PEAK1: variants seen among roughly 807,000 people sequenced by gnomAD.
The protein encoded by PEAK1 is pseudopodium enriched atypical kinase 1, also known as inactive tyrosine-protein kinase PEAK1.
A neutral mutation model predicts 124.7 loss-of-function variants in PEAK1; 54 were observed. The observed-to-expected ratio is 0.43, with a 90% CI of 0.35 to 0.54. The LOEUF (loss-of-function observed/expected upper bound fraction) is 0.54. Ranked by LOEUF, PEAK1 falls within the 20% of genes least tolerant of loss-of-function variation. The probability of loss-of-function intolerance (pLI) is 0.01; values close to 1 mark genes in which losing one functional copy is unlikely to be tolerated. For synonymous variants in PEAK1, 719 were observed against 760.0 expected (o/e 0.95, Z 0.89); for missense variants, 2,046 against 2,134.5 (o/e 0.96, Z 0.82).
intron 6 of PEAK1, among the ~76,000 whole-genome samples, chr15:77,247,100 A>C (rs935999400): frequency 3.3e-5 from 5 of 152,216 alleles, no homozygotes; most frequent in African/African-American, 1.2e-4. Context: ...ACCACTTATC[A>C]TTAGTTCTAG....
At chr15:77,329,706 C>T (rs2065787812) in intron 2 of PEAK1, among the ~76,000 whole-genome samples, 1 of 152,110 alleles carries the variant, frequency 6.6e-6, no homozygotes, top group Non-Finnish European at 1.5e-5. Flanking sequence ...AACTATATTG[C>T]ACAGTTTTTC....
At chr15:77,295,888 G>A (rs1203332673) in intron 2 of PEAK1, among the ~76,000 whole-genome samples, 1 of 152,112 alleles carries the variant, frequency 6.6e-6, no homozygotes, top group African/African-American at 2.4e-5. Context: ...ATCAGCTAAA[G>A]CTTCAACAGT....
At chr15:77,270,958 C>T (rs1255279677) in intron 5 of PEAK1, among the ~76,000 whole-genome samples, 2 of 152,080 alleles carry the variant, frequency 1.3e-5, no homozygotes, top group Non-Finnish European at 2.9e-5. Flanking sequence ...AGAGCTTCCG[C>T]ACGGCAAAAG....
Position 77,365,202 on chromosome 15 carries a change from A to G in PEAK1, c.-642T>C, listed in dbSNP as rs930020585. Reference sequence around the variant, plus strand: ...TAAACCACAAAGAAATGTCTACAGCATAAGTTCCAGTTTGGGCAGATACCT... The same window carrying G: ...TAAACCACAAAGAAATGTCTACAGCGTAAGTTCCAGTTTGGGCAGATACCT... On this transcript the variant is annotated 5_prime_UTR_variant, in exon 2 of 10. An upstream start codon of the reference 5' UTR is lost. Transcript: ENST00000682557. 116 of 983,424 alleles carry G rather than the reference A, an allele frequency of 1.2e-4. No individual in the cohort carries two copies. Among genetic ancestry groups the G allele is most frequent in the Admixed American group, 2.5e-4 (4 of 16,268 alleles). 60.9% of individuals were successfully genotyped at this position (983,424 alleles called of 1,614,324 possible). A position where few individuals can be genotyped will look rare whatever the true frequency, so the allele number is the denominator to read the frequency against.
intron 2 of PEAK1, among the ~76,000 whole-genome samples, chr15:77,297,616 G>A (rs935556460): frequency 9.9e-5 from 15 of 151,562 alleles, no homozygotes; most frequent in Non-Finnish European, 1.9e-4. Flanking sequence ...AAAATTAGCT[G>A]GGCATGGTGG....
At chr15:77,340,571 T>C (rs1282762332) in intron 2 of PEAK1, among the ~76,000 whole-genome samples, 1 of 152,214 alleles carries the variant, frequency 6.6e-6, no homozygotes, top group Admixed American at 6.5e-5. Context: ...TAGATGCTAT[T>C]ATGAATTTGT....
chr15:77,300,174 A>G (rs1392719059), intron 2 of PEAK1, among the ~76,000 whole-genome samples: 1 of 152,218 alleles, frequency 6.6e-6, no homozygotes, highest in East Asian at 1.9e-4. Flanking sequence ...TGAATTATTC[A>G]GGAAGGAAGG....
chr15:77,402,182 A>AAG, intron 1 of PEAK1: 14 of 981,734 alleles, frequency 1.4e-5, no homozygotes, highest in Non-Finnish European at 1.7e-5. Flanking sequence ...AAAAAAAAAA[A>AAG]GGGACCAGAT....
intron 5 of PEAK1, among the ~76,000 whole-genome samples, chr15:77,256,518 T>C (rs1214496401): frequency 2.6e-5 from 4 of 152,032 alleles, no homozygotes; most frequent in Non-Finnish European, 4.4e-5. Flanking sequence ...CCTTTACCCA[T>C]AGGTCAAATA....
chr15:77,346,894 C>T, intron 2 of PEAK1: 1 of 385,664 alleles, frequency 2.6e-6, no homozygotes, highest in Non-Finnish European at 3.5e-6. Context: ...TGAGAAATAA[C>T]AGCTACCAAT....
At chr15:77,391,693 T>TGGGA (rs2141925221) in intron 1 of PEAK1, among the ~76,000 whole-genome samples, 1 of 152,296 alleles carries the variant, frequency 6.6e-6, no homozygotes, top group South Asian at 2.1e-4. Context: ...CACTGTTTTT[T>TGGGA]AGTATCCCTT....
At chr15:77,359,700 A>C (rs2067758750) in intron 2 of PEAK1, among the ~76,000 whole-genome samples, 1 of 152,204 alleles carries the variant, frequency 6.6e-6, no homozygotes, top group Non-Finnish European at 1.5e-5. Flanking sequence ...GAATACTATT[A>C]ACAAAATAAA....
intron 6 of PEAK1, among the ~76,000 whole-genome samples, chr15:77,190,152 A>C (rs2057761590): frequency 6.6e-6 from 1 of 152,160 alleles, no homozygotes; most frequent in African/African-American, 2.4e-5. Flanking sequence ...ATTAAAAGAA[A>C]TTTTACCTTT....
chr15:77,316,620 A>G (rs1040837537), intron 2 of PEAK1, among the ~76,000 whole-genome samples: 1 of 152,206 alleles, frequency 6.6e-6, no homozygotes, highest in Non-Finnish European at 1.5e-5. Flanking sequence ...AGCTTCATAT[A>G]TTATTCATCG....
intron 1 of PEAK1, chr15:77,403,836 C>A: frequency 3.0e-6 from 3 of 984,466 alleles, no homozygotes; most frequent in Non-Finnish European, 3.6e-6. Flanking sequence ...ATATCCCTAA[C>A]CTTTATGCCC....
At chr15:77,187,675 C>T (rs1313499678) in intron 6 of PEAK1, among the ~76,000 whole-genome samples, 1 of 152,180 alleles carries the variant, frequency 6.6e-6, no homozygotes, top group Non-Finnish European at 1.5e-5. Flanking sequence ...TTCTGTGACT[C>T]CCGAAGCCCA....
At chr15:77,384,318 A>C (rs2141848640) in intron 1 of PEAK1, among the ~76,000 whole-genome samples, 1 of 152,308 alleles carries the variant, frequency 6.6e-6, no homozygotes, top group South Asian at 2.1e-4. Context: ...TTTCCTTCCA[A>C]ATGCAATCAG....
chr15:77,204,524 C>T lies in PEAK1; in HGVS notation c.-114-22484G>A, dbSNP rs547076271. 42 of 153,208 alleles carry T rather than the reference C, an allele frequency of 2.7e-4. No individual in the cohort carries two copies. In the South Asian group the frequency reaches 2.9e-3, roughly 11 times the overall value. 9.5% of individuals were successfully genotyped at this position (153,208 alleles called of 1,614,324 possible). On this transcript the variant is annotated intron_variant, in intron 6 of 9. Transcript: ENST00000682557. Reference sequence around the variant, plus strand: ...CCCAGCTTCACAAAGGCTCTCATTGCGCCGCAGCCTGCAGGCACCAGGTCA... The same window carrying T: ...CCCAGCTTCACAAAGGCTCTCATTGTGCCGCAGCCTGCAGGCACCAGGTCA...
chr15:77,160,259 C>T (rs78014975), intron 7 of PEAK1, among the ~76,000 whole-genome samples: 5 of 152,132 alleles, frequency 3.3e-5, no homozygotes, highest in East Asian at 1.9e-4. Context: ...GGTACCACTT[C>T]GTGTCAAGAG....
Sources: allele counts gnomAD v4.1 joint callset (sites outside exome capture counted in the v4.1 genomes callset), GRCh38; gene constraint gnomAD v4.1.1; transcripts MANE v1.5; gene names NCBI Gene and HGNC (gene_info 2026-07-23, HGNC 2026-07-21).